Variants in MIER1 observed in about 807,000 individuals in gnomAD.
MIER1 encodes MIER1 transcriptional regulator.
Under a neutral mutation model 75.7 loss-of-function variants are expected in MIER1, and 40 were observed. That is an observed-to-expected ratio of 0.53 (90% CI 0.41 to 0.69). The LOEUF (loss-of-function observed/expected upper bound fraction) is 0.69, where lower values mean the gene tolerates loss of function less well. MIER1 is among the 30% of genes least tolerant of loss of function. The probability of loss-of-function intolerance (pLI) is 0.00; values close to 1 mark genes in which losing one functional copy is unlikely to be tolerated. For synonymous variants in MIER1, 213 were observed against 223.4 expected (o/e 0.95, Z 0.42); for missense variants, 574 against 680.2 (o/e 0.84, Z 1.74).
intron 4 of MIER1, among the ~76,000 whole-genome samples, chr1:66,949,312 T>C (rs953831690): frequency 6.6e-6 from 1 of 152,178 alleles, no homozygotes; most frequent in Non-Finnish European, 1.5e-5. Context: ...ATTTAATTAG[T>C]AGAAAATTAC....
At chr1:66,930,442 C>T in intron 2 of MIER1, 4 of 1,599,762 alleles carry the variant, frequency 2.5e-6, no homozygotes, top group Middle Eastern at 4.0e-4. Flanking sequence ...GAGCCGGGCG[C>T]CCCCGGCCCT....
intron 8 of MIER1, among the ~76,000 whole-genome samples, chr1:66,969,347 C>G (rs1663088639): frequency 6.6e-6 from 1 of 151,684 alleles, no homozygotes; most frequent in Non-Finnish European, 1.5e-5. Context: ...AGATCGAGAA[C>G]CATCCTGGCT....
chr1:66,986,416 G>T lies in MIER1; in HGVS notation c.*1516G>T, dbSNP rs375049254. 6.2e-7 allele frequency: 1 copy of T among 1,613,066 alleles called. No homozygotes were observed. Among genetic ancestry groups the T allele is most frequent in the Non-Finnish European group, 8.5e-7 (1 of 1,179,396 alleles). On this transcript the variant is annotated 3_prime_UTR_variant, in exon 14 of 14. Transcript: ENST00000401041. ...TTTCTCACACAGGCATACTCCAAAT[G>T]CTTCTTCCAGTTCATTTTTCAGCCA...
At chr1:66,952,721 A>G (rs562301598) in intron 4 of MIER1, among the ~76,000 whole-genome samples, 1 of 152,324 alleles carries the variant, frequency 6.6e-6, no homozygotes, top group African/African-American at 2.4e-5. Flanking sequence ...GGCTCACTGC[A>G]GCCTCAGCCT....
chr1:66,954,972 G>A (rs921532177), intron 4 of MIER1, among the ~76,000 whole-genome samples: 1 of 152,158 alleles, frequency 6.6e-6, no homozygotes, highest in Non-Finnish European at 1.5e-5. Context: ...GCCTCCCAAA[G>A]TGCTGGGATT....
chr1:66,986,686 C>G lies in MIER1; in HGVS notation c.*1786C>G, dbSNP rs1190046958. Reference sequence around the variant, plus strand: ...TTGACTTCATCTTAATGTACATTCACTGTTGTTACATACATATCTAAGTAA... The same window carrying G: ...TTGACTTCATCTTAATGTACATTCAGTGTTGTTACATACATATCTAAGTAA... On this transcript the variant is annotated 3_prime_UTR_variant, in exon 14 of 14. Transcript: ENST00000401041. 2.0e-6 allele frequency: 1 copy of G among 488,950 alleles called. No individual in the cohort carries two copies. 30.3% of individuals were successfully genotyped at this position (488,950 alleles called of 1,614,324 possible).
chr1:66,982,139 T>G (rs1210295697), intron 13 of MIER1, among the ~76,000 whole-genome samples: 2 of 152,208 alleles, frequency 1.3e-5, no homozygotes, highest in Non-Finnish European at 2.9e-5. Context: ...CTGTCAACAG[T>G]GACTATTTCT....
In MIER1 at chr1:66,963,269, T is replaced by G. The variant is rs192163417; in HGVS notation, c.772+109T>G. On this transcript the variant is annotated intron_variant, in intron 8 of 13. Transcript: ENST00000401041. ...CATGACAGCCTACTAAGTAACCCCATTGTAACCCCATTGGTTTGTGAAAGA... is the reference window on the plus strand; with the variant it reads ...CATGACAGCCTACTAAGTAACCCCAGTGTAACCCCATTGGTTTGTGAAAGA... The G allele has an allele frequency of 1.8e-5, 12 of 668,852 alleles. No homozygotes were observed. The African/African-American group carries it at 2.0e-4, about 11-fold the overall frequency. 41.4% of individuals were successfully genotyped at this position (668,852 alleles called of 1,614,324 possible).
intron 8 of MIER1, among the ~76,000 whole-genome samples, chr1:66,969,634 G>T (rs1157555657): frequency 7.2e-6 from 1 of 138,106 alleles, no homozygotes; most frequent in African/African-American, 2.6e-5. Flanking sequence ...CATAATAAAA[G>T]AAATTTTGAC....
chr1:66,959,764 C>A, intron 7 of MIER1, 21 bp downstream of exon 7: 1 of 1,240,790 alleles, frequency 8.1e-7, no homozygotes, highest in South Asian at 1.7e-5. Context: ...CAATATTTTC[C>A]CAAAATTTAG....
chr1:66,971,003 A>G, intron 9 of MIER1, 44 bp downstream of exon 9: 1 of 1,513,810 alleles, frequency 6.6e-7, no homozygotes, highest in Non-Finnish European at 8.8e-7. Context: ...ATACACATTT[A>G]TACATGTAAA....
chr1:66,925,465 T>G (rs1031235670), intron 1 of MIER1: 1 of 985,352 alleles, frequency 1.0e-6, no homozygotes, highest in Admixed American at 6.1e-5. Context: ...TGGCTCCGCC[T>G]CTTTCTCCTG....
intron 12 of MIER1, among the ~76,000 whole-genome samples, chr1:66,977,626 CTCAT>C (rs1271904908): frequency 6.6e-6 from 1 of 152,030 alleles, no homozygotes; most frequent in African/African-American, 2.4e-5. Context: ...TTGTCTACAC[CTCAT>C]TCAGTCTAGC....
Position 66,958,097 on chromosome 1 carries a change from T to C in MIER1, c.378T>C (p.Tyr126=), listed in dbSNP as rs1241975399. ...CAATTCATGAACTTCTCAGCCTTTA[T>C]GGTTATGGTAGTACTGTTCGACTAC... ...DMPIHELLSL[Y]GYGSTVRLPE... is the part of the protein sequence containing the mutation. Residue 126 remains tyrosine, a synonymous_variant, in exon 5 of 14, where the codon TAT becomes TAC. Coordinates refer to ENST00000401041, the MANE Select transcript of MIER1 (RefSeq NM_001077700.3). 1.2e-6 allele frequency: 2 copies of C among 1,609,528 alleles called. No individual in the cohort carries two copies. The highest frequency in any genetic ancestry group is 1.7e-6 in the Non-Finnish European group (2 of 1,177,496).
chr1:66,929,694 C>A (rs1652621663), intron 2 of MIER1, among the ~76,000 whole-genome samples: 2 of 152,098 alleles, frequency 1.3e-5, no homozygotes, highest in Non-Finnish European at 2.9e-5. Context: ...TGTGAGAAAA[C>A]GCAAATGACA....
intron 11 of MIER1, among the ~76,000 whole-genome samples, chr1:66,974,098 TA>T (rs1301566815): frequency 3.3e-5 from 5 of 152,018 alleles, no homozygotes; most frequent in Admixed American, 1.3e-4. Context: ...TTATTTTTAT[TA>T]TTTTTTTTTT....
At chr1:66,941,991 T>C (rs922561088) in intron 3 of MIER1, among the ~76,000 whole-genome samples, 2 of 142,062 alleles carry the variant, frequency 1.4e-5, no homozygotes, top group Non-Finnish European at 3.1e-5. Flanking sequence ...AAAAAAACAG[T>C]CTTTGATAGC....
At chr1:66,980,379 A>G (rs562158869) in intron 12 of MIER1, among the ~76,000 whole-genome samples, 72 of 152,338 alleles carry the variant, frequency 4.7e-4, no homozygotes, top group Admixed American at 2.4e-3. Flanking sequence ...TGCATAGGTC[A>G]TGGTCATATA....
At chr1:66,942,591 G>A (rs1331572786) in intron 3 of MIER1, among the ~76,000 whole-genome samples, 1 of 151,876 alleles carries the variant, frequency 6.6e-6, no homozygotes, top group Non-Finnish European at 1.5e-5. Context: ...ATTTATTATT[G>A]GGAATTTTTT....
Sources: allele counts gnomAD v4.1 joint callset (sites outside exome capture counted in the v4.1 genomes callset), GRCh38; gene constraint gnomAD v4.1.1; transcripts MANE v1.5; gene names NCBI Gene and HGNC (gene_info 2026-07-23, HGNC 2026-07-21).